Variants in RPL22 observed in about 807,000 individuals in gnomAD.
The protein encoded by RPL22 is large ribosomal subunit protein eL22.
In RPL22, 4 loss-of-function variants were observed where a neutral mutation model predicts 16.2. The observed-to-expected ratio is 0.25, with a 90% CI of 0.12 to 0.57. RPL22 has a LOEUF of 0.57. Among genes scored for constraint, RPL22 ranks in the 20% least tolerant of loss-of-function variants. RPL22 has a pLI of 0.92. For missense variants in RPL22, 83 were observed against 156.1 expected, an observed-to-expected ratio of 0.53 and a Z score of 2.49; for synonymous variants, 43 against 54.8, an observed-to-expected ratio of 0.78 and a Z score of 0.95.
intron 3 of RPL22, among the ~76,000 whole-genome samples, chr1:6,187,742 T>A (rs1667601141): frequency 1.3e-5 from 2 of 151,898 alleles, no homozygotes; most frequent in Non-Finnish European, 2.9e-5. Flanking sequence ...GATAACATGA[T>A]AGAAATTTAC....
chr1:6,197,875 T>A (rs1307035158), intron 1 of RPL22, 119 bp from the exon 2 acceptor site: 2 of 775,010 alleles, frequency 2.6e-6, no homozygotes, highest in Non-Finnish European at 2.2e-6. Flanking sequence ...CTAACGGAAG[T>A]GTGCTCCCTT....
chr1:6,197,869 CG>C (rs756312320), intron 1 of RPL22, 113 bp from the exon 2 acceptor site: 49 of 793,330 alleles, frequency 6.2e-5, no homozygotes, highest in Admixed American at 3.4e-4. Context: ...ACAAAACTAA[CG>C]GAAGTGTGCT....
chr1:6,199,314 C>A (rs1406876246), intron 1 of RPL22: 4 of 1,078,358 alleles, frequency 3.7e-6, no homozygotes, highest in Admixed American at 3.6e-5. Context: ...CAGCTCCCCG[C>A]TAGCCCCTAG....
chr1:6,186,932 G>A, intron 3 of RPL22, 116 bp from the exon 4 acceptor site: 5 of 1,504,202 alleles, frequency 3.3e-6, no homozygotes, highest in Non-Finnish European at 4.5e-6. Context: ...GTTTTCCCAA[G>A]CCTCAAAAAT....
At chr1:6,188,311 T>C (rs1667607629) in intron 3 of RPL22, among the ~76,000 whole-genome samples, 1 of 151,946 alleles carries the variant, frequency 6.6e-6, no homozygotes, top group Non-Finnish European at 1.5e-5. Flanking sequence ...GGATTATAGC[T>C]GTGAGCCACT....
intron 2 of RPL22, among the ~76,000 whole-genome samples, chr1:6,194,488 T>C (rs1487570982): frequency 6.6e-6 from 1 of 152,230 alleles, no homozygotes; most frequent in African/African-American, 2.4e-5. Context: ...TCAGAAAGCT[T>C]TGCCCAAAAA....
At position 6,185,323 on chromosome 1, in the gene RPL22, C is replaced by A. The variant is rs917737380; in HGVS notation, c.*1349G>T. 1 of 398,928 alleles carries A rather than the reference C, an allele frequency of 2.5e-6. No homozygotes were observed. Among genetic ancestry groups the A allele is most frequent in the Non-Finnish European group, 4.4e-6 (1 of 226,070 alleles). 24.7% of individuals were successfully genotyped at this position (398,928 alleles called of 1,614,324 possible). ...GGACATTGCCAAAGAGCAACTGATG[C>A]CTCAGTGAAGTTTGAAAGAAACTCT... On this transcript the variant is annotated 3_prime_UTR_variant, in exon 4 of 4. Transcript: ENST00000234875.
rs558374591 is a variant in RPL22, at chr1:6,186,163, A to C, written c.*509T>G. 5 of 236,132 alleles carry C rather than the reference A, an allele frequency of 2.1e-5. No individual in the cohort carries two copies. The highest frequency in any genetic ancestry group is 2.2e-5 in the African/African-American group (1 of 45,444). 14.6% of individuals were successfully genotyped at this position (236,132 alleles called of 1,614,324 possible). A position where few individuals can be genotyped will look rare whatever the true frequency, so the allele number is the denominator to read the frequency against. On this transcript the variant is annotated 3_prime_UTR_variant, in exon 4 of 4. Transcript: ENST00000234875. ...TCTCTAGGAAGAAGAGGATTAGCAGACATAATTGTGTGCGTCAAGAGAAAT... is the reference window on the plus strand; with the variant it reads ...TCTCTAGGAAGAAGAGGATTAGCAGCCATAATTGTGTGCGTCAAGAGAAAT...
chr1:6,189,612 T>TAA (rs550383303), intron 3 of RPL22, among the ~76,000 whole-genome samples: 50 of 125,790 alleles, frequency 4.0e-4, no homozygotes, highest in African/African-American at 1.1e-3. Flanking sequence ...AAAATCAGGT[T>TAA]AAAAAAAAAA....
rs144642005 is a variant in RPL22, at chr1:6,196,024, T to C, written c.117+1628A>G. Among the ~76,000 whole-genome samples the C allele has an allele frequency of 5.2e-3, 783 of 151,892 alleles. 4 individuals are homozygous for C. The highest frequency in any genetic ancestry group is 0.017 in the African/African-American group (701 of 41,394). ...ATTGTGGTGAGCCGAGACTGCACCA[T>C]TGCACTCCAGCCTGGGCAACAAGAG... On this transcript the variant is annotated intron_variant, in intron 2 of 3. Transcript: ENST00000234875.
chr1:6,199,355 A>C lies in RPL22; in HGVS notation c.12+207T>G, dbSNP rs138002841. ...GCCCCGGGCCTCCGAGACCTCCCGGATCTCCCTCACGAGCCTCGGGCCGCG... is the reference window on the plus strand; with the variant it reads ...GCCCCGGGCCTCCGAGACCTCCCGGCTCTCCCTCACGAGCCTCGGGCCGCG... On this transcript the variant is annotated intron_variant, in intron 1 of 3. Coordinates refer to ENST00000234875, the MANE Select transcript of RPL22 (RefSeq NM_000983.4). 8 of 1,301,850 alleles carry C rather than the reference A, an allele frequency of 6.1e-6. No individual in the cohort carries two copies. The African/African-American group carries it at 9.3e-5, about 15-fold the overall frequency. 80.6% of individuals were successfully genotyped at this position (1,301,850 alleles called of 1,614,324 possible).
At chr1:6,198,277 A>T (rs1310975348) in intron 1 of RPL22, 5 of 154,030 alleles carry the variant, frequency 3.2e-5, no homozygotes, top group African/African-American at 1.2e-4. Context: ...CCACCTTCTC[A>T]TGAAGGGAGT....
intron 1 of RPL22, chr1:6,199,317 G>T: frequency 1.8e-6 from 2 of 1,090,270 alleles, no homozygotes; most frequent in Non-Finnish European, 2.4e-6. Flanking sequence ...CTCCCCGCTA[G>T]CCCCTAGCTG....
At chr1:6,197,122 C>T (rs574611960) in intron 2 of RPL22, among the ~76,000 whole-genome samples, 4 of 152,230 alleles carry the variant, frequency 2.6e-5, no homozygotes, top group Non-Finnish European at 4.4e-5. Context: ...CTCCGCCTCC[C>T]GTGTTCACGC....
Position 6,185,564 on chromosome 1 carries a change from G to A in RPL22, c.*1108C>T. 5.1e-6 allele frequency: 2 copies of A among 394,508 alleles called. No homozygotes were observed. The highest frequency in any genetic ancestry group is 8.9e-6 in the Non-Finnish European group (2 of 223,780). The allele number at this position is 394,508 out of a possible 1,614,324, so 24.4% of individuals were successfully genotyped here. ...CAACTCGCAGGGCACAATTTCAAGT[G>A]TGGAAACCATCTGTAGGCAAGCTCT... On this transcript the variant is annotated 3_prime_UTR_variant, in exon 4 of 4. Coordinates refer to ENST00000234875, the MANE Select transcript of RPL22 (RefSeq NM_000983.4).
chr1:6,189,870 G>A (rs956517530), intron 3 of RPL22, among the ~76,000 whole-genome samples: 5 of 152,138 alleles, frequency 3.3e-5, no homozygotes, highest in South Asian at 2.1e-4. Flanking sequence ...TCAGTGAGCT[G>A]AAATCGCGCC....
At chr1:6,189,659 C>G (rs1667625412) in intron 3 of RPL22, among the ~76,000 whole-genome samples, 1 of 150,844 alleles carries the variant, frequency 6.6e-6, no homozygotes, top group Non-Finnish European at 1.5e-5. Flanking sequence ...GTGCCTCATG[C>G]CTGTAATCCC....
At chr1:6,188,043 G>GT (rs1557572285) in intron 3 of RPL22, among the ~76,000 whole-genome samples, 9 of 151,864 alleles carry the variant, frequency 5.9e-5, no homozygotes, top group Admixed American at 1.3e-4. Flanking sequence ...ACCACAACAG[G>GT]GATCATTTAA....
intron 3 of RPL22, among the ~76,000 whole-genome samples, chr1:6,189,624 A>AAAAAAAAAAAAC (rs1209681331): frequency 6.6e-6 from 1 of 151,782 alleles, no homozygotes; most frequent in African/African-American, 2.4e-5. Context: ...AAAAAAAAAA[A>AAAAAAAAAAAAC]AAAACCCTGT....
Sources: gnomAD v4.1 joint callset for allele counts (sites outside exome capture counted in the v4.1 genomes callset) on GRCh38, gnomAD v4.1.1 for gene constraint, MANE v1.5 for transcripts, NCBI Gene and HGNC (gene_info 2026-07-23, HGNC 2026-07-21) for gene names.